OPCML: variants seen among roughly 807,000 people sequenced by gnomAD.
OPCML encodes opioid-binding protein/cell adhesion molecule.
In OPCML, 13 loss-of-function variants were observed where a neutral mutation model predicts 37.8. The observed-to-expected ratio is 0.34, with a 90% CI of 0.22 to 0.55. OPCML has a LOEUF of 0.55. Among genes scored for constraint, OPCML ranks in the 20% least tolerant of loss-of-function variants. The probability of loss-of-function intolerance (pLI) is 0.91; values close to 1 mark genes in which losing one functional copy is unlikely to be tolerated. For missense variants in OPCML, 341 were observed against 435.6 expected (o/e 0.78, Z 1.93); for synonymous variants, 176 against 168.8 (o/e 1.04, Z -0.33).
chr11:133,095,792 C>T (rs766314714), intron 1 of OPCML, among the ~76,000 whole-genome samples: 1 of 151,058 alleles, frequency 6.6e-6, no homozygotes, highest in Non-Finnish European at 1.5e-5. Context: ...CATGTAAGTA[C>T]AGAGTAGAGT....
At chr11:133,191,252 AT>A (rs1454937333) in intron 1 of OPCML, among the ~76,000 whole-genome samples, 1 of 152,074 alleles carries the variant, frequency 6.6e-6, no homozygotes, top group East Asian at 1.9e-4. Context: ...TCAGGTGCTT[AT>A]TGACTATCTG....
chr11:133,505,080 C>T (rs1360670384), intron 1 of OPCML, among the ~76,000 whole-genome samples: 6 of 152,210 alleles, frequency 3.9e-5, no homozygotes, highest in Non-Finnish European at 7.3e-5. Flanking sequence ...GCAGGCTCTC[C>T]GGGTGCCTCA....
At chr11:133,312,576 A>C (rs531784195) in intron 1 of OPCML, among the ~76,000 whole-genome samples, 1 of 152,326 alleles carries the variant, frequency 6.6e-6, no homozygotes, top group South Asian at 2.1e-4. Flanking sequence ...TTGATCAAAG[A>C]CAGAATAGCC....
At chr11:133,308,318 TC>T (rs1942978714) in intron 1 of OPCML, among the ~76,000 whole-genome samples, 1 of 152,150 alleles carries the variant, frequency 6.6e-6, no homozygotes, top group East Asian at 1.9e-4. Flanking sequence ...AGTTTTTTTT[TC>T]CTTATAGGAT....
intron 2 of OPCML, among the ~76,000 whole-genome samples, chr11:132,861,804 C>T (rs1942312846): frequency 1.3e-5 from 2 of 149,772 alleles, no homozygotes; most frequent in Admixed American, 1.3e-4. Context: ...CATTGCACTC[C>T]AGCCTGGGCA....
chr11:132,931,863 T>G (rs1408405401), intron 2 of OPCML, among the ~76,000 whole-genome samples: 1 of 152,220 alleles, frequency 6.6e-6, no homozygotes, highest in African/African-American at 2.4e-5. Context: ...CAAGAGTGAA[T>G]GCAATCCAAG....
intron 1 of OPCML, among the ~76,000 whole-genome samples, chr11:133,195,445 C>T (rs1938500474): frequency 6.6e-6 from 1 of 152,184 alleles, no homozygotes; most frequent in Non-Finnish European, 1.5e-5. Flanking sequence ...CCTTGCGGAA[C>T]CTCATTCTGA....
At chr11:133,265,977 G>A (rs1205099092) in intron 1 of OPCML, among the ~76,000 whole-genome samples, 1 of 151,992 alleles carries the variant, frequency 6.6e-6, no homozygotes, top group Non-Finnish European at 1.5e-5. Context: ...ATAGACCTCC[G>A]TTTACAAAAG....
At chr11:133,500,990 C>T (rs977676605) in intron 1 of OPCML, among the ~76,000 whole-genome samples, 3 of 152,024 alleles carry the variant, frequency 2.0e-5, no homozygotes, top group Non-Finnish European at 2.9e-5. Context: ...GGGCAGGAGG[C>T]TTGGAGCTGA....
chr11:132,959,461 G>A (rs1946042698), intron 1 of OPCML, among the ~76,000 whole-genome samples: 1 of 152,242 alleles, frequency 6.6e-6, no homozygotes, highest in African/African-American at 2.4e-5. Flanking sequence ...TGAGAGGACT[G>A]TCTCCAATTA....
chr11:133,137,912 C>T (rs1287029818), intron 1 of OPCML, among the ~76,000 whole-genome samples: 2 of 152,094 alleles, frequency 1.3e-5, no homozygotes, highest in African/African-American at 4.8e-5. Context: ...TTACATGCAC[C>T]AAGAAGCTAA....
chr11:133,053,873 A>G (rs1948175387), intron 1 of OPCML, among the ~76,000 whole-genome samples: 1 of 152,124 alleles, frequency 6.6e-6, no homozygotes, highest in African/African-American at 2.4e-5. Flanking sequence ...TCCACATGGC[A>G]ACTTCACTTG....
chr11:132,662,729 T>C (rs1942037754), intron 2 of OPCML, among the ~76,000 whole-genome samples: 1 of 152,252 alleles, frequency 6.6e-6, no homozygotes, highest in Non-Finnish European at 1.5e-5. Flanking sequence ...GTTGAATGTT[T>C]ATAACTCTAA....
chr11:133,092,848 GA>G (rs951533327), intron 1 of OPCML, among the ~76,000 whole-genome samples: 1 of 148,024 alleles, frequency 6.8e-6, no homozygotes, highest in Non-Finnish European at 1.5e-5. Flanking sequence ...GAGAGACAGA[GA>G]AAGAGAGAGA....
Position 133,098,828 on chromosome 11 carries a change from A to C in OPCML, c.62-155818T>G, listed in dbSNP as rs535258558. Reference sequence around the variant, plus strand: ...ATTGGAAATTCTAACCAACATAATAAGAAAATAAAAGAAAATATAATGCAT... The same window carrying C: ...ATTGGAAATTCTAACCAACATAATACGAAAATAAAAGAAAATATAATGCAT... On this transcript the variant is annotated intron_variant, in intron 1 of 7. Coordinates refer to ENST00000524381, the MANE Select transcript of OPCML (RefSeq NM_001012393.5). 1.8e-4 allele frequency among the ~76,000 whole-genome samples: 27 copies of C among 152,306 alleles called. 1 individual carries two copies. Among genetic ancestry groups the C allele is most frequent in the African/African-American group, 6.3e-4 (26 of 41,572 alleles).
chr11:133,200,111 T>A (rs1272644481), intron 1 of OPCML, among the ~76,000 whole-genome samples: 3 of 152,130 alleles, frequency 2.0e-5, no homozygotes, highest in Non-Finnish European at 4.4e-5. Flanking sequence ...CCTATCTCCA[T>A]GGAAAGCCTG....
Position 133,226,127 on chromosome 11 carries a change from T to C in OPCML, c.62-283117A>G, listed in dbSNP as rs560843586. Among the ~76,000 whole-genome samples, 9 of 152,332 alleles carry C rather than the reference T, an allele frequency of 5.9e-5. No individual in the cohort carries two copies. In the East Asian group the frequency reaches 1.7e-3, roughly 29 times the overall value. On this transcript the variant is annotated intron_variant, in intron 1 of 7. Transcript: ENST00000524381. Reference sequence around the variant, plus strand: ...TGAGTGAGATAATTAAGCGGGGATATAGACTGACTGGATGTACCCCAAATT... The same window carrying C: ...TGAGTGAGATAATTAAGCGGGGATACAGACTGACTGGATGTACCCCAAATT...
In OPCML at chr11:132,415,897, C is replaced by T. The variant is rs1448969567; in HGVS notation, c.*4296G>A. On this transcript the variant is annotated 3_prime_UTR_variant, in exon 8 of 8. Coordinates refer to ENST00000524381, the MANE Select transcript of OPCML (RefSeq NM_001012393.5). ...GTTTTGTTTGTTTGCATGTGGTGAT[C>T]ATTAGGCGTTCTCATCATATGGTCT... The T allele has an allele frequency of 1.3e-5, 2 of 152,566 alleles. No individual in the cohort carries two copies. Among genetic ancestry groups the T allele is most frequent in the East Asian group, 3.9e-4 (2 of 5,174 alleles). 9.5% of individuals were successfully genotyped at this position (152,566 alleles called of 1,614,324 possible). A position where few individuals can be genotyped will look rare whatever the true frequency, so the allele number is the denominator to read the frequency against.
intron 1 of OPCML, among the ~76,000 whole-genome samples, chr11:132,962,148 G>A (rs1418282660): frequency 6.6e-6 from 1 of 152,220 alleles, no homozygotes; most frequent in Non-Finnish European, 1.5e-5. Context: ...CTTTTCCGTA[G>A]GAGGTCCATT....
Sources: allele counts gnomAD v4.1 joint callset (sites outside exome capture counted in the v4.1 genomes callset), GRCh38; gene constraint gnomAD v4.1.1; transcripts MANE v1.5; gene names NCBI Gene and HGNC (gene_info 2026-07-23, HGNC 2026-07-21).